ANK3: variants seen among roughly 807,000 people sequenced by gnomAD.
ANK3 encodes ankyrin-3.
ANK3 carries 57 observed loss-of-function variants against 370.9 expected under a neutral mutation model. The ratio of observed to expected loss-of-function variants is 0.15; its 90% CI spans 0.12 to 0.19. ANK3 has a LOEUF of 0.19. Ranked by LOEUF, ANK3 falls within the 10% of genes least tolerant of loss-of-function variation. The probability of loss-of-function intolerance (pLI) is 1.00; values close to 1 mark genes in which losing one functional copy is unlikely to be tolerated. For synonymous variants in ANK3, 1,929 were observed against 1,946.3 expected, an observed-to-expected ratio of 0.99 and a Z score of 0.23; for missense variants, 4,439 against 5,302.1, an observed-to-expected ratio of 0.84 and a Z score of 5.06.
intron 1 of ANK3, among the ~76,000 whole-genome samples, chr10:60,289,274 T>C (rs2132744839): frequency 6.6e-6 from 1 of 151,872 alleles, no homozygotes; most frequent in East Asian, 1.9e-4. Context: ...CTTTTTTTTT[T>C]TTTTTTTTAA....
intron 1 of ANK3, among the ~76,000 whole-genome samples, chr10:60,656,783 G>T (rs542810973): frequency 1.4e-4 from 21 of 151,176 alleles, no homozygotes; most frequent in African/African-American, 3.9e-4. Context: ...TTTGAATCTG[G>T]TACCTCTCAT....
Position 60,186,603 on chromosome 10 carries a change from A to G in ANK3, c.2085+112T>C, listed in dbSNP as rs1328146428. On this transcript the variant is annotated intron_variant, in intron 17 of 43. Transcript: ENST00000280772. ...ACTTTGGTAAACAACTTGGTGCAAT[A>G]TTACACTTTACACATCCTATTTGAC... 2.6e-6 allele frequency: 3 copies of G among 1,163,466 alleles called. No individual in the cohort carries two copies. The South Asian group carries it at 4.0e-5, about 15-fold the overall frequency. 72.1% of individuals were successfully genotyped at this position (1,163,466 alleles called of 1,614,324 possible).
intron 2 of ANK3, among the ~76,000 whole-genome samples, chr10:60,413,189 C>T (rs995223220): frequency 2.6e-5 from 4 of 152,174 alleles, no homozygotes; most frequent in African/African-American, 9.7e-5. Flanking sequence ...TGAATGAAGA[C>T]TTTATTTTGG....
intron 23 of ANK3, among the ~76,000 whole-genome samples, chr10:60,142,866 C>T (rs1024906387): frequency 3.3e-5 from 5 of 152,144 alleles, no homozygotes; most frequent in Non-Finnish European, 7.4e-5. Flanking sequence ...AGTAGGTGCT[C>T]TAGGTTCAAA....
At chr10:60,544,501 C>T (rs1160106207) in intron 2 of ANK3, among the ~76,000 whole-genome samples, 1 of 152,042 alleles carries the variant, frequency 6.6e-6, no homozygotes, top group Non-Finnish European at 1.5e-5. Context: ...ATTTAATCAC[C>T]ATTAATAACC....
At chr10:60,319,953 TG>T (rs1313149600) in intron 1 of ANK3, among the ~76,000 whole-genome samples, 1 of 152,204 alleles carries the variant, frequency 6.6e-6, no homozygotes, top group Admixed American at 6.5e-5. Flanking sequence ...GAGGAATTCC[TG>T]GAGAAAAGGG....
chr10:60,488,606 C>T (rs559475543), intron 2 of ANK3, among the ~76,000 whole-genome samples: 57 of 152,160 alleles, frequency 3.7e-4, no homozygotes, highest in Non-Finnish European at 3.5e-4. Flanking sequence ...CATGAACCTG[C>T]TTTCTGCCTC....
At chr10:60,282,424 T>A (rs1412410966) in intron 1 of ANK3, among the ~76,000 whole-genome samples, 2 of 152,150 alleles carry the variant, frequency 1.3e-5, no homozygotes, top group East Asian at 3.9e-4. Flanking sequence ...ATCTTCGAAT[T>A]CAGTGGTTCT....
chr10:60,615,215 C>T, exon 2 of ANK3: 1 of 1,517,102 alleles, frequency 6.6e-7, no homozygotes, highest in Non-Finnish European at 8.8e-7. Context: ...TAATCTGATC[C>T]AAAGCCACCC....
rs397723698 is a variant in ANK3 at position 60,545,441 on chromosome 10, GA to G, written c.96+69744del. Among the ~76,000 whole-genome samples, 120 of 148,420 alleles carry G rather than the reference GA, an allele frequency of 8.1e-4. 1 individual carries two copies. Among genetic ancestry groups the G allele is most frequent in the African/African-American group, 1.8e-3 (73 of 40,348 alleles). ...TGAAATTCTGTGGTTCTAATCAAAT[GA>G]AAAAAAAAAATAGTTCTACAAATAC... On this transcript the variant is annotated intron_variant, in intron 2 of 43. Transcript: ENST00000373827.
At chr10:60,200,976 G>T (rs1447173518) in intron 12 of ANK3, among the ~76,000 whole-genome samples, 1 of 152,164 alleles carries the variant, frequency 6.6e-6, no homozygotes, top group Non-Finnish European at 1.5e-5. Context: ...GATTAAAAAT[G>T]AAAATGGTAT....
chr10:60,619,294 C>A (rs1257034051), intron 1 of ANK3, among the ~76,000 whole-genome samples: 1 of 152,092 alleles, frequency 6.6e-6, no homozygotes, highest in African/African-American at 2.4e-5. Context: ...TAACCAGCTG[C>A]ACACCAAGAC....
intron 1 of ANK3, among the ~76,000 whole-genome samples, chr10:60,672,817 G>A (rs2079078834): frequency 6.6e-6 from 1 of 152,140 alleles, no homozygotes; most frequent in Non-Finnish European, 1.5e-5. Context: ...GTGAGACCTT[G>A]CACTTAACCT....
At chr10:60,194,842 T>G (rs1718483145) in intron 16 of ANK3, among the ~76,000 whole-genome samples, 1 of 152,206 alleles carries the variant, frequency 6.6e-6, no homozygotes, top group Non-Finnish European at 1.5e-5. Flanking sequence ...TTTTGAATTT[T>G]AGATTTCACT....
intron 1 of ANK3, among the ~76,000 whole-genome samples, chr10:60,288,035 C>T (rs1224802517): frequency 6.6e-6 from 1 of 152,130 alleles, no homozygotes; most frequent in Non-Finnish European, 1.5e-5. Flanking sequence ...CAGCCTGAAA[C>T]AAAACATGAA....
intron 5 of ANK3, among the ~76,000 whole-genome samples, chr10:60,265,944 T>C (rs892064030): frequency 6.6e-6 from 1 of 152,148 alleles, no homozygotes; most frequent in Non-Finnish European, 1.5e-5. Flanking sequence ...ACTCATGCTA[T>C]TTCCCCCACC....
rs1467642338 is a variant in ANK3, at chr10:60,632,634, C to T, written c.58-17410G>A. 2.6e-5 allele frequency among the ~76,000 whole-genome samples: 4 copies of T among 151,938 alleles called. No individual in the cohort carries two copies. In the East Asian group the frequency reaches 5.8e-4, roughly 22 times the overall value. On this transcript the variant is annotated intron_variant, in intron 1 of 43. Transcript: ENST00000373827. ...GGGCATGGTGGTTCATGCCTATGGTCCCAGCTACTCAAGAAGCTGAAGCAG... is the reference window on the plus strand; with the variant it reads ...GGGCATGGTGGTTCATGCCTATGGTTCCAGCTACTCAAGAAGCTGAAGCAG...
chr10:60,113,590 G>C (rs932317174), intron 26 of ANK3, among the ~76,000 whole-genome samples: 2 of 152,238 alleles, frequency 1.3e-5, no homozygotes, highest in African/African-American at 4.8e-5. Flanking sequence ...CACACCTGTG[G>C]TCCCAGGTGC....
chr10:60,385,667 A>T (rs2062159880), intron 1 of ANK3, among the ~76,000 whole-genome samples: 2 of 152,152 alleles, frequency 1.3e-5, no homozygotes, highest in African/African-American at 2.4e-5. Context: ...TTAATCATGG[A>T]ATTAATTGTC....
Sources: allele counts gnomAD v4.1 joint callset (sites outside exome capture counted in the v4.1 genomes callset), GRCh38; gene constraint gnomAD v4.1.1; transcripts MANE v1.5; gene names NCBI Gene and HGNC (gene_info 2026-07-23, HGNC 2026-07-21).